PATJ: variants seen among roughly 807,000 people sequenced by gnomAD.
The protein encoded by PATJ is inaD-like protein.
Under a neutral mutation model 224.9 loss-of-function variants are expected in PATJ, and 190 were observed. The ratio of observed to expected loss-of-function variants is 0.84; its 90% CI spans 0.75 to 0.95. The LOEUF (loss-of-function observed/expected upper bound fraction) is 0.95, where lower values mean the gene tolerates loss of function less well. Ranked by LOEUF, PATJ falls within the 40% of genes least tolerant of loss-of-function variation. The pLI is 0.00. For synonymous variants in PATJ, 769 were observed against 820.3 expected (o/e 0.94, Z 1.07); for missense variants, 2,121 against 2,270.3 (o/e 0.93, Z 1.34).
chr1:61,836,516 A>G (rs1216156961), intron 17 of PATJ, among the ~76,000 whole-genome samples: 8 of 152,198 alleles, frequency 5.3e-5, no homozygotes, highest in South Asian at 2.1e-4. Context: ...GAACACATTC[A>G]ATCCTAACTT....
intron 25 of PATJ, among the ~76,000 whole-genome samples, chr1:61,909,369 T>C (rs1672291961): frequency 6.6e-6 from 1 of 152,232 alleles, no homozygotes. Flanking sequence ...GATTTTATAC[T>C]ACAATGTGCA....
chr1:61,837,743 T>C (rs561109409), intron 17 of PATJ, among the ~76,000 whole-genome samples: 1 of 150,020 alleles, frequency 6.7e-6, no homozygotes, highest in African/African-American at 2.5e-5. Context: ...TGAGCTGAGA[T>C]TGCGCCACTG....
rs11372619 is a variant in PATJ at position 61,783,745 on chromosome 1, C to CTTT, written c.850-3993_850-3991dup. On this transcript the variant is annotated intron_variant, in intron 7 of 43. Coordinates refer to ENST00000642238, the MANE Select transcript of PATJ (RefSeq NM_001350145.3). The stretch of plus-strand genomic sequence containing the variant: ...GTTTTTTTTTAGCCCAGAGTTGCTA[C>CTTT]TTTTTTTTTTTTTTTTTTCTGAGAC... 9.0e-4 allele frequency among the ~76,000 whole-genome samples: 106 copies of CTTT among 117,848 alleles called. 3 individuals are homozygous for CTTT. Among genetic ancestry groups the CTTT allele is most frequent in the African/African-American group, 2.8e-3 (86 of 30,692 alleles). The allele number at this position is 117,848 out of a possible 152,430, so 77.3% of individuals were successfully genotyped here. A position where few individuals can be genotyped will look rare whatever the true frequency, so the allele number is the denominator to read the frequency against.
chr1:62,080,097 C>G (rs563445522), intron 32 of PATJ, among the ~76,000 whole-genome samples: 1 of 142,984 alleles, frequency 7.0e-6, no homozygotes, highest in African/African-American at 2.7e-5. Context: ...CTGTATTATT[C>G]TTCTCTAATC....
intron 30 of PATJ, among the ~76,000 whole-genome samples, chr1:62,040,152 C>G (rs1233982806): frequency 6.6e-6 from 1 of 151,574 alleles, no homozygotes; most frequent in African/African-American, 2.4e-5. Flanking sequence ...CCCTGTCACC[C>G]AGGCGGAGTG....
At position 61,771,643 on chromosome 1, in the gene PATJ, A is replaced by C. The variant is rs1646616029; in HGVS notation, c.720+17A>C. On this transcript the variant is annotated intron_variant, in intron 6 of 43. Transcript: ENST00000642238. The stretch of plus-strand genomic sequence containing the variant: ...CCTGAAACAGTGAGTTGCAAATTTG[A>C]AAAAATACTTAATTTTGAATAATGC... 6.5e-7 allele frequency: 1 copy of C among 1,528,698 alleles called. No individual in the cohort carries two copies. Among genetic ancestry groups the C allele is most frequent in the African/African-American group, 1.4e-5 (1 of 70,984 alleles). 94.7% of individuals were successfully genotyped at this position (1,528,698 alleles called of 1,614,324 possible).
intron 34 of PATJ, 121 bp downstream of exon 34, chr1:62,108,641 A>G: frequency 1.9e-6 from 1 of 517,230 alleles, no homozygotes; most frequent in Admixed American, 3.4e-5. Flanking sequence ...TTAACAAAAT[A>G]CTTATCATAT....
intron 18 of PATJ, among the ~76,000 whole-genome samples, chr1:61,858,329 C>A (rs1264369655): frequency 6.6e-6 from 1 of 152,138 alleles, no homozygotes; most frequent in Non-Finnish European, 1.5e-5. Context: ...GTGGTGCAAT[C>A]TCGGCTCACT....
In PATJ at chr1:61,901,447, TA is replaced by T; in HGVS notation, c.3373del (p.Ile1125TyrfsTer7). ...GKTNALKTGDKILEVSGVDLQ... is the reference protein window; with the variant it reads ...GKTNALKTGDXILEVSGVDLQ... ...AGACGAACGCACTTAAAACTGGAGA[TA>T]AAATACTTGAGGTAAATGATGTTAA... On this transcript the variant is annotated frameshift_variant, in exon 24 of 44. Coordinates refer to ENST00000642238, the MANE Select transcript of PATJ (RefSeq NM_001350145.3). LOFTEE classifies it high-confidence loss of function. 6.3e-7 allele frequency: 1 copy of T among 1,581,510 alleles called. No homozygotes were observed. Among genetic ancestry groups the T allele is most frequent in the South Asian group, 1.2e-5 (1 of 84,788 alleles).
chr1:62,049,280 C>CACACACAG (rs1553253021), intron 30 of PATJ, among the ~76,000 whole-genome samples: 4 of 144,078 alleles, frequency 2.8e-5, no homozygotes, highest in Non-Finnish European at 4.5e-5. Flanking sequence ...CACACACACA[C>CACACACAG]AGAGTATTTT....
At chr1:61,835,915 T>C (rs1195488140) in intron 17 of PATJ, among the ~76,000 whole-genome samples, 1 of 152,242 alleles carries the variant, frequency 6.6e-6, no homozygotes, top group Non-Finnish European at 1.5e-5. Context: ...CATTTGCATT[T>C]CTATTATTGT....
At chr1:61,878,274 G>C (rs575100668) in intron 21 of PATJ, among the ~76,000 whole-genome samples, 9 of 152,276 alleles carry the variant, frequency 5.9e-5, no homozygotes, top group African/African-American at 1.9e-4. Flanking sequence ...CATCAGCAAA[G>C]CTGGAACAGT....
At chr1:62,043,637 GA>G (rs1651937365) in intron 30 of PATJ, among the ~76,000 whole-genome samples, 2 of 151,888 alleles carry the variant, frequency 1.3e-5, no homozygotes, top group South Asian at 4.2e-4. Flanking sequence ...TACAAAACAG[GA>G]TTTTTTTTCC....
At chr1:61,794,424 T>A (rs1650604107) in intron 9 of PATJ, among the ~76,000 whole-genome samples, 1 of 152,124 alleles carries the variant, frequency 6.6e-6, no homozygotes, top group African/African-American at 2.4e-5. Context: ...GGATTACAAC[T>A]GTGAACAACT....
intron 27 of PATJ, among the ~76,000 whole-genome samples, chr1:61,987,497 A>G (rs2482898): frequency 0.9 from 136,967 of 152,106 alleles, 61,977 homozygotes; most frequent in East Asian, 1. Context: ...TTTCTTAACC[A>G]TCTTACCCTA....
chr1:62,007,139 G>T (rs1395950452), intron 28 of PATJ, among the ~76,000 whole-genome samples: 3 of 152,318 alleles, frequency 2.0e-5, no homozygotes, highest in African/African-American at 7.2e-5. Flanking sequence ...TTTCTCATTT[G>T]AGGCTGTTAT....
At chr1:62,048,545 C>CAAAAAA (rs773157635) in intron 30 of PATJ, among the ~76,000 whole-genome samples, 872 of 64,978 alleles carry the variant, frequency 0.013, no homozygotes, top group East Asian at 0.023. Context: ...GACTCTGTCT[C>CAAAAAA]AAAAAAAAAA....
At position 62,100,126 on chromosome 1, in the gene PATJ, A is replaced by T. The variant is rs530286445; in HGVS notation, c.4378-8311A>T. On this transcript the variant is annotated intron_variant, in intron 33 of 43. Coordinates refer to ENST00000642238, the MANE Select transcript of PATJ (RefSeq NM_001350145.3). Reference sequence around the variant, plus strand: ...AGTCCTTAATACTTGGTTCTCTTAAATTGCTCTCTGAGCTAAAGTAAATCC... The same window carrying T: ...AGTCCTTAATACTTGGTTCTCTTAATTTGCTCTCTGAGCTAAAGTAAATCC... Among the ~76,000 whole-genome samples, 3 of 152,236 alleles carry T rather than the reference A, an allele frequency of 2.0e-5. No homozygotes were observed. The East Asian group carries it at 5.8e-4, about 29-fold the overall frequency.
intron 29 of PATJ, among the ~76,000 whole-genome samples, chr1:62,028,994 T>TACAC (rs1553247637): frequency 6.6e-6 from 1 of 151,820 alleles, no homozygotes; most frequent in African/African-American, 2.4e-5. Context: ...CATACATACA[T>TACAC]ACACGTATAC....
Sources: allele counts gnomAD v4.1 joint callset (sites outside exome capture counted in the v4.1 genomes callset), GRCh38; gene constraint gnomAD v4.1.1; transcripts MANE v1.5; gene names NCBI Gene and HGNC (gene_info 2026-07-23, HGNC 2026-07-21).